Variants in MYH15 observed in about 807,000 individuals in gnomAD.
The protein encoded by MYH15 is myosin heavy chain 15.
A neutral mutation model predicts 240.5 loss-of-function variants in MYH15; 227 were observed. The observed-to-expected ratio is 0.94, with a 90% CI of 0.85 to 1.05. The LOEUF (loss-of-function observed/expected upper bound fraction) is 1.05, where lower values mean the gene tolerates loss of function less well. MYH15 is among the 50% of genes least tolerant of loss of function. The pLI is 0.00. For missense variants in MYH15, 2,217 were observed against 2,247.5 expected (o/e 0.99, Z 0.27); for synonymous variants, 785 against 796.7 (o/e 0.99, Z 0.25).
At chr3:108,525,355 A>G (rs1277052846) in intron 1 of MYH15, among the ~76,000 whole-genome samples, 1 of 152,040 alleles carries the variant, frequency 6.6e-6, no homozygotes, top group Non-Finnish European at 1.5e-5. Flanking sequence ...CTCTTTTCCA[A>G]CACAATCACT....
At chr3:108,537,790 A>G in the MYH15 span, among the ~76,000 whole-genome samples, 1 of 152,202 alleles carries the variant, frequency 6.6e-6, no homozygotes, top group Admixed American at 6.5e-5. Flanking sequence ...TAGACAGCAG[A>G]TAAATGGGAG....
intron 22 of MYH15, among the ~76,000 whole-genome samples, 174 bp from the exon 23 acceptor site, chr3:108,441,434 G>A (rs763244496): frequency 1.3e-5 from 2 of 152,202 alleles, no homozygotes; most frequent in Non-Finnish European, 2.9e-5. Flanking sequence ...CGATCACTGA[G>A]AAGTGGAGAA....
intron 1 of MYH15, among the ~76,000 whole-genome samples, chr3:108,528,849 AG>A (rs149906995): frequency 0.012 from 1,892 of 152,308 alleles, 17 homozygotes; most frequent in Non-Finnish European, 0.021. Context: ...AACTACTCTC[AG>A]TAAATAATTA....
In MYH15 at chr3:108,421,308, C is replaced by T. The variant is rs878922783; in HGVS notation, c.3703-94G>A. 2.4e-5 allele frequency: 34 copies of T among 1,391,346 alleles called. 1 individual carries two copies. In the South Asian group the frequency reaches 3.5e-4, roughly 14 times the overall value. 86.2% of individuals were successfully genotyped at this position (1,391,346 alleles called of 1,614,324 possible). On this transcript the variant is annotated intron_variant, in intron 27 of 40. Coordinates refer to ENST00000693548, the MANE Select transcript of MYH15 (RefSeq NM_014981.3). ...GAGGGGAGGAGTGGCTCCAGGGATC[C>T]GCATGCTCTCTTCTGTAGTAAAGAG...
chr3:108,383,741 A>AC lies in MYH15; in HGVS notation c.5632-13_5632-12insG. 7.3e-7 allele frequency: 1 copy of AC among 1,373,704 alleles called. No individual in the cohort carries two copies. The highest frequency in any genetic ancestry group is 1.4e-5 in the South Asian group (1 of 72,094). 85.1% of individuals were successfully genotyped at this position (1,373,704 alleles called of 1,614,324 possible). On this transcript the variant is annotated splice_polypyrimidine_tract_variant and intron_variant, in intron 39 of 40. Coordinates refer to ENST00000693548, the MANE Select transcript of MYH15 (RefSeq NM_014981.3). ...TTGGCTTGTGTTTCCTATAAAAATAAAAAAAAAAAAAAAGAAATCTCCATG... is the reference window on the plus strand; with the variant it reads ...TTGGCTTGTGTTTCCTATAAAAATAACAAAAAAAAAAAAAGAAATCTCCATG...
chr3:108,413,172 G>A (rs1482679479), intron 30 of MYH15, among the ~76,000 whole-genome samples: 2 of 152,196 alleles, frequency 1.3e-5, no homozygotes, highest in East Asian at 3.9e-4. Context: ...TCTTACTTCA[G>A]AAGTAAATAC....
intron 18 of MYH15, among the ~76,000 whole-genome samples, chr3:108,458,215 C>A (rs2083040224): frequency 6.6e-6 from 1 of 152,140 alleles, no homozygotes; most frequent in Non-Finnish European, 1.5e-5. Flanking sequence ...ACCAAACCTG[C>A]TGAAATCCAA....
rs781496642 is a variant in MYH15 at position 108,499,461 on chromosome 3, A to C, written c.518T>G (p.Leu173Arg). Residue 173 changes from leucine to arginine, a missense_variant, in exon 5 of 41, where the codon CTC becomes CGC. Leu to Arg is a moderately radical substitution (Grantham distance 102). Coordinates refer to ENST00000693548, the MANE Select transcript of MYH15 (RefSeq NM_014981.3). ...AAACAAGGCAAACACTTACGTGAAG[A>C]GTATAGACTGATTTTCTCGATCTAC... is the stretch of plus-strand genomic sequence containing the variant. ...MLHNRENQSI[L>R]FTGESGAGKT... 5.6e-6 allele frequency: 9 copies of C among 1,613,150 alleles called. No individual in the cohort carries two copies. Among genetic ancestry groups the C allele is most frequent in the Non-Finnish European group, 7.6e-6 (9 of 1,179,738 alleles).
chr3:108,514,710 G>A (rs2083547299), upstream of MYH15, among the ~76,000 whole-genome samples: 4 of 152,064 alleles, frequency 2.6e-5, no homozygotes, highest in Non-Finnish European at 5.9e-5. Context: ...GAAGGGAAGA[G>A]GTAAGCTTAT....
intron 4 of MYH15, 64 bp downstream of exon 4, chr3:108,500,054 T>C: frequency 2.0e-6 from 3 of 1,531,812 alleles, no homozygotes; most frequent in Non-Finnish European, 2.6e-6. Flanking sequence ...AAGTGCCTCT[T>C]AGGGACATAG....
At chr3:108,381,865 G>C (rs556231235) in intron 40 of MYH15, among the ~76,000 whole-genome samples, 1 of 152,160 alleles carries the variant, frequency 6.6e-6, no homozygotes, top group Non-Finnish European at 1.5e-5. Flanking sequence ...TCACCAGTTT[G>C]CTCCCCAGCC....
chr3:108,497,044 C>T (rs2123873), intron 6 of MYH15, among the ~76,000 whole-genome samples: 3,408 of 150,664 alleles, frequency 0.023, 127 homozygotes, highest in African/African-American at 0.079. Context: ...ACCTGTAGTC[C>T]CAGCTGCTCA....
intron 2 of MYH15, among the ~76,000 whole-genome samples, chr3:108,502,589 CAATA>C (rs908792989): frequency 9.2e-5 from 14 of 152,032 alleles, no homozygotes; most frequent in African/African-American, 3.4e-4. Context: ...AATAAATAAT[CAATA>C]AATATTAATA....
chr3:108,415,906 A>T (rs1169567085), intron 29 of MYH15, among the ~76,000 whole-genome samples: 1 of 152,200 alleles, frequency 6.6e-6, no homozygotes, highest in East Asian at 1.9e-4. Flanking sequence ...AGCCAGAGAG[A>T]TCTTCTAAAA....
Position 108,428,893 on chromosome 3 carries a change from A to C in MYH15, c.3313-12T>G. ...TCCTTTATTTGAGTCTGTAGCAAGAAATAATTTTGACTTTTACTAAGCACT... is the reference window on the plus strand; with the variant it reads ...TCCTTTATTTGAGTCTGTAGCAAGACATAATTTTGACTTTTACTAAGCACT... On this transcript the variant is annotated splice_polypyrimidine_tract_variant and intron_variant, in intron 26 of 40. Coordinates refer to ENST00000693548, the MANE Select transcript of MYH15 (RefSeq NM_014981.3). 19 of 1,582,224 alleles carry C rather than the reference A, an allele frequency of 1.2e-5. No homozygotes were observed. Among genetic ancestry groups the C allele is most frequent in the Non-Finnish European group, 1.5e-5 (18 of 1,168,778 alleles).
intron 1 of MYH15, among the ~76,000 whole-genome samples, chr3:108,518,659 A>G (rs2083592868): frequency 6.6e-6 from 1 of 152,120 alleles, no homozygotes; most frequent in Non-Finnish European, 1.5e-5. Flanking sequence ...CTACTAGTAG[A>G]TGCCAACAGC....
intron 25 of MYH15, among the ~76,000 whole-genome samples, chr3:108,435,710 A>ATG (rs61639245): frequency 5.6e-5 from 8 of 143,324 alleles, no homozygotes; most frequent in Non-Finnish European, 1.1e-4. Flanking sequence ...ATATATATAT[A>ATG]TGTATGTATA....
chr3:108,434,561 A>T (rs1258473999), intron 25 of MYH15, among the ~76,000 whole-genome samples: 1 of 9,384 alleles, frequency 1.1e-4, no homozygotes, highest in South Asian at 6.3e-3. Context: ...TATTAATAAC[A>T]TATTAATTCA....
Position 108,410,721 on chromosome 3 carries a change from C to G in MYH15, c.4357G>C (p.Glu1453Gln), listed in dbSNP as rs370933466. 1 of 1,614,164 alleles carries G rather than the reference C, an allele frequency of 6.2e-7. No individual in the cohort carries two copies. The highest frequency in any genetic ancestry group is 1.3e-5 in the African/African-American group (1 of 75,046). The change falls in exon 31 of 41, where the codon GAG (glutamate) becomes CAG (glutamine). Residue 1453 changes from glutamate (E) to glutamine (Q), a missense_variant. Transcript: ENST00000693548. ...KALADWKQKH[E>Q]ESQALLDASQ... ...GCATCCAGCAACGCCTGGGACTCCT[C>G]GTGCTTCTGCTTCCAGTCGGCAAGG...
Sources: gnomAD v4.1 joint callset for allele counts (sites outside exome capture counted in the v4.1 genomes callset) on GRCh38, gnomAD v4.1.1 for gene constraint, MANE v1.5 for transcripts, NCBI Gene and HGNC (gene_info 2026-07-23, HGNC 2026-07-21) for gene names.